ZNF563: variants seen among roughly 807,000 people sequenced by gnomAD.
ZNF563 encodes the protein zinc finger protein 563.
A neutral mutation model predicts 48.5 loss-of-function variants in ZNF563; 39 were observed. The ratio of observed to expected loss-of-function variants is 0.80; its 90% CI spans 0.62 to 1.05. ZNF563 has a LOEUF of 1.05. Among genes scored for constraint, ZNF563 ranks in the 50% least tolerant of loss-of-function variants. The pLI is 0.00. For synonymous variants in ZNF563, 168 were observed against 187.9 expected (o/e 0.89, Z 0.87); for missense variants, 538 against 597.0 (o/e 0.90, Z 1.03).
chr19:12,339,011 A>G, the ZNF563 span, among the ~76,000 whole-genome samples: 1 of 152,286 alleles, frequency 6.6e-6, no homozygotes, highest in African/African-American at 2.4e-5. Flanking sequence ...CCTCTGTTGC[A>G]GGCAGCCATG....
chr19:12,337,258 A>G (rs762981945), upstream of ZNF563, among the ~76,000 whole-genome samples: 2 of 152,208 alleles, frequency 1.3e-5, no homozygotes, highest in Non-Finnish European at 2.9e-5. Context: ...ACTGGAATGC[A>G]GTGGCACCAT....
intron 1 of ZNF563, among the ~76,000 whole-genome samples, chr19:12,327,440 A>G (rs1968821479): frequency 6.7e-6 from 1 of 148,780 alleles, no homozygotes; most frequent in Non-Finnish European, 1.5e-5. Context: ...AGCCTGGGCG[A>G]CAGAGTGACA....
Position 12,318,440 on chromosome 19 carries a change from A to G in ZNF563, c.*154T>C. 3 of 860,878 alleles carry G rather than the reference A, an allele frequency of 3.5e-6. No individual in the cohort carries two copies. Among genetic ancestry groups the G allele is most frequent in the Non-Finnish European group, 5.3e-6 (3 of 570,968 alleles). The allele number at this position is 860,878 out of a possible 1,614,324, so 53.3% of individuals were successfully genotyped here. A position where few individuals can be genotyped will look rare whatever the true frequency, so the allele number is the denominator to read the frequency against. On this transcript the variant is annotated 3_prime_UTR_variant, in exon 4 of 4. Transcript: ENST00000293725. ...TCCCACATTCCTTATATCATACAGCATCTCTCCAGTGTGAGATATTTCATG... is the reference window on the plus strand; with the variant it reads ...TCCCACATTCCTTATATCATACAGCGTCTCTCCAGTGTGAGATATTTCATG...
At chr19:12,333,347 A>G in intron 1 of ZNF563, 133 bp downstream of exon 1, 1 of 1,255,428 alleles carries the variant, frequency 8.0e-7, no homozygotes, top group Non-Finnish European at 1.1e-6. Context: ...CCGAGGGTCG[A>G]GCTGCGCCAG....
At chr19:12,346,613 A>G in the ZNF563 span, 1 of 152,254 alleles carries the variant, frequency 6.6e-6, no homozygotes, top group African/African-American at 2.4e-5. Context: ...AAGAATTGAA[A>G]GCAGGGACTC....
At chr19:12,337,870 GGCCAAGGCTAGAAGTTCAAGACCA>G (rs1014161973), upstream of ZNF563, among the ~76,000 whole-genome samples, 2 of 152,140 alleles carry the variant, frequency 1.3e-5, no homozygotes, top group African/African-American at 4.8e-5. Flanking sequence ...CCCTTTGAGA[GGCCAAGGCTAGAAGTTCAAGACCA>G]GCCTGGGGAA....
At chr19:12,336,079 T>C (rs184868338), upstream of ZNF563, among the ~76,000 whole-genome samples, 4 of 152,290 alleles carry the variant, frequency 2.6e-5, no homozygotes, top group African/African-American at 9.6e-5. Context: ...ACTGTTTGAA[T>C]AAAAAATTGA....
chr19:12,335,999 C>A (rs1243494295), upstream of ZNF563, among the ~76,000 whole-genome samples: 2 of 152,152 alleles, frequency 1.3e-5, no homozygotes, highest in African/African-American at 4.8e-5. Context: ...TTCCCCATGG[C>A]CTCTGTAAGA....
At chr19:12,341,778 A>G in the ZNF563 span, among the ~76,000 whole-genome samples, 2 of 152,204 alleles carry the variant, frequency 1.3e-5, no homozygotes, top group African/African-American at 4.8e-5. Context: ...TTCACACTAC[A>G]TTTTCAAGAA....
chr19:12,318,462 CAT>C lies in ZNF563; in HGVS notation c.*130_*131del. 1 of 1,041,600 alleles carries C rather than the reference CAT, an allele frequency of 9.6e-7. No homozygotes were observed. The highest frequency in any genetic ancestry group is 1.4e-6 in the Non-Finnish European group (1 of 728,534). The allele number at this position is 1,041,600 out of a possible 1,614,324, so 64.5% of individuals were successfully genotyped here. The stretch of plus-strand genomic sequence containing the variant: ...AGCATCTCTCCAGTGTGAGATATTT[CAT>C]GATTTTGAAAGGAATAAAAATTATG... On this transcript the variant is annotated 3_prime_UTR_variant, in exon 4 of 4. Coordinates refer to ENST00000293725, the MANE Select transcript of ZNF563 (RefSeq NM_145276.3).
intron 1 of ZNF563, among the ~76,000 whole-genome samples, chr19:12,323,883 T>A (rs1049241198): frequency 6.6e-6 from 1 of 152,104 alleles, no homozygotes; most frequent in African/African-American, 2.4e-5. Context: ...GCATGACAAA[T>A]AAATAATAAA....
In ZNF563 at chr19:12,319,367, T is replaced by G. The variant is rs750604944; in HGVS notation, c.658A>C (p.Thr220Pro). 22 of 1,614,030 alleles carry G rather than the reference T, an allele frequency of 1.4e-5. No individual in the cohort carries two copies. The highest frequency in any genetic ancestry group is 1.8e-5 in the Non-Finnish European group (21 of 1,180,050). The part of the protein sequence containing the change: ...SLLRMHERTH[T>P]GEKPYECKQC... ...TTACATTCATACGGTTTCTCTCCAG[T>G]GTGAGTTCTTTCATGCATACGTAAT... is the stretch of plus-strand genomic sequence containing the variant. The change falls in exon 4 of 4, where the codon ACT becomes CCT. Residue 220 changes from threonine (T) to proline (P), a missense_variant. Transcript: ENST00000293725.
rs750243140 is a variant in ZNF563, at chr19:12,319,693, A to C, written c.332T>G (p.Val111Gly). 10 of 1,614,118 alleles carry C rather than the reference A, an allele frequency of 6.2e-6. No individual in the cohort carries two copies. Among genetic ancestry groups the C allele is most frequent in the Non-Finnish European group, 8.5e-6 (10 of 1,180,036 alleles). The change falls in exon 4 of 4, where the codon GTC becomes GGC. Residue 111 changes from valine to glycine, a missense_variant. By Grantham distance (109) the Val-to-Gly change is moderately radical. Coordinates refer to ENST00000293725, the MANE Select transcript of ZNF563 (RefSeq NM_145276.3). ...DPCQSAECEE[V>G]IMGHLSLNSH... ...ATTAAGGGATAAATGACCCATTATGACTTCTTCACACTCAGCGCTTTGACA... is the reference window on the plus strand; with the variant it reads ...ATTAAGGGATAAATGACCCATTATGCCTTCTTCACACTCAGCGCTTTGACA...
rs191171431 is a variant in ZNF563 at position 12,332,219 on chromosome 19, A to C, written c.3+1261T>G. ...TAAAGTCTTAATTAGGGAAAGGCTA[A>C]AGGGAACAGGGGAAAGCAGAAAGAT... On this transcript the variant is annotated intron_variant, in intron 1 of 3. Coordinates refer to ENST00000293725, the MANE Select transcript of ZNF563 (RefSeq NM_145276.3). Among the ~76,000 whole-genome samples the C allele has an allele frequency of 3.1e-3, 477 of 152,316 alleles. 1 individual carries two copies. Among genetic ancestry groups the C allele is most frequent in the Non-Finnish European group, 4.5e-3 (306 of 68,030 alleles).
upstream of ZNF563, among the ~76,000 whole-genome samples, chr19:12,337,326 C>A (rs1247845189): frequency 7.9e-5 from 12 of 152,104 alleles, no homozygotes; most frequent in Admixed American, 7.9e-4. Context: ...CCTCAGCCTC[C>A]CGAGAGGCTG....
the ZNF563 span, among the ~76,000 whole-genome samples, chr19:12,344,749 C>A: frequency 6.6e-6 from 1 of 152,124 alleles, no homozygotes; most frequent in South Asian, 2.1e-4. Flanking sequence ...TAAAAGGAAT[C>A]CAAATTGGAG....
chr19:12,327,573 TTAC>T (rs1968825790), intron 1 of ZNF563, among the ~76,000 whole-genome samples: 1 of 151,960 alleles, frequency 6.6e-6, no homozygotes, highest in Non-Finnish European at 1.5e-5. Context: ...ATTATGTCAA[TTAC>T]TACATTAAAT....
intron 1 of ZNF563, among the ~76,000 whole-genome samples, chr19:12,327,771 C>T (rs1311571330): frequency 6.6e-6 from 1 of 152,064 alleles, no homozygotes; most frequent in African/African-American, 2.4e-5. Flanking sequence ...TACATTCAGA[C>T]AAATCGGGTT....
chr19:12,342,002 A>G, the ZNF563 span, among the ~76,000 whole-genome samples: 1 of 152,178 alleles, frequency 6.6e-6, no homozygotes, highest in African/African-American at 2.4e-5. Context: ...CTAAAAACTG[A>G]GATAATAAGA....
Sources: gnomAD v4.1 joint callset for allele counts (sites outside exome capture counted in the v4.1 genomes callset) on GRCh38, gnomAD v4.1.1 for gene constraint, MANE v1.5 for transcripts, NCBI Gene and HGNC (gene_info 2026-07-23, HGNC 2026-07-21) for gene names.